The following GPM6A variants were observed in gnomAD, a reference collection of about 807,000 sequenced individuals.
GPM6A encodes the protein neuronal membrane glycoprotein M6-a.
GPM6A carries 7 observed loss-of-function variants against 32.1 expected under a neutral mutation model. The observed-to-expected ratio is 0.22, with a 90% CI of 0.12 to 0.41. The LOEUF (loss-of-function observed/expected upper bound fraction) is 0.41, where lower values mean the gene tolerates loss of function less well. Ranked by LOEUF, GPM6A falls within the 10% of genes least tolerant of loss-of-function variation. GPM6A has a pLI of 1.00. For missense variants in GPM6A, 235 were observed against 347.2 expected (o/e 0.68, Z 2.57); for synonymous variants, 130 against 123.4 (o/e 1.05, Z -0.35).
chr4:175,947,392 TATA>T (rs1355684401), intron 1 of GPM6A, among the ~76,000 whole-genome samples: 18 of 152,150 alleles, frequency 1.2e-4, no homozygotes, highest in South Asian at 4.1e-4. Context: ...CAATATTAAG[TATA>T]ATATTTCTTA....
intron 1 of GPM6A, among the ~76,000 whole-genome samples, chr4:175,982,562 T>A (rs1740849449): frequency 6.6e-6 from 1 of 152,216 alleles, no homozygotes; most frequent in Non-Finnish European, 1.5e-5. Flanking sequence ...GAAATTGTGA[T>A]GTGGGTTTAT....
At chr4:175,651,682 A>T (rs1415912335) in intron 4 of GPM6A, 152 bp downstream of exon 4, 2 of 585,054 alleles carry the variant, frequency 3.4e-6, no homozygotes, top group Non-Finnish European at 6.0e-6. Flanking sequence ...TTTAAAGGGA[A>T]TAGCCTTAGC....
chr4:175,811,949 C>A, intron 1 of GPM6A: 1 of 387,180 alleles, frequency 2.6e-6, no homozygotes, highest in East Asian at 4.3e-5. Flanking sequence ...ACTACAATAC[C>A]GCAATGCTCT....
rs1162299688 is a variant in GPM6A at position 175,779,675 on chromosome 4, T to G, written c.37+32516A>C. Among the ~76,000 whole-genome samples, 6 of 152,238 alleles carry G rather than the reference T, an allele frequency of 3.9e-5. No homozygotes were observed. In the East Asian group the frequency reaches 7.7e-4, roughly 20 times the overall value. On this transcript the variant is annotated intron_variant, in intron 1 of 6. Transcript: ENST00000393658. ...TCAGTTAACAAATTAAAAATAATAA[T>G]AACAAAAAACTTTTCTATGAAGCAC...
At chr4:175,748,622 C>G (rs1448625020) in intron 1 of GPM6A, among the ~76,000 whole-genome samples, 1 of 152,128 alleles carries the variant, frequency 6.6e-6, no homozygotes, top group African/African-American at 2.4e-5. Flanking sequence ...AGAGCACAGA[C>G]AGAGTAGATT....
chr4:175,897,468 A>T (rs983747408), intron 1 of GPM6A, among the ~76,000 whole-genome samples: 1 of 152,070 alleles, frequency 6.6e-6, no homozygotes, highest in African/African-American at 2.4e-5. Context: ...AGAAGGGGAG[A>T]GGTGAGGAAT....
chr4:175,764,823 A>G (rs1253764807), intron 1 of GPM6A, among the ~76,000 whole-genome samples: 1 of 149,912 alleles, frequency 6.7e-6, no homozygotes, highest in Non-Finnish European at 1.5e-5. Flanking sequence ...CTATAGCTCC[A>G]TTCTAGTGAC....
chr4:175,992,520 T>C (rs948006956), intron 1 of GPM6A, among the ~76,000 whole-genome samples: 2 of 152,154 alleles, frequency 1.3e-5, no homozygotes, highest in African/African-American at 2.4e-5. Flanking sequence ...ATACAATTGA[T>C]TGATTGACTA....
intron 1 of GPM6A, among the ~76,000 whole-genome samples, chr4:175,915,744 G>C (rs1219299448): frequency 1.3e-5 from 2 of 152,158 alleles, no homozygotes; most frequent in African/African-American, 4.8e-5. Flanking sequence ...GCAATACTCA[G>C]GGTATGGGGA....
chr4:175,641,174 CTG>C, intron 4 of GPM6A: 1 of 244,682 alleles, frequency 4.1e-6, no homozygotes, highest in Non-Finnish European at 7.9e-6. Flanking sequence ...ATGCCCCAGA[CTG>C]TGCTGAAGTC....
At chr4:175,833,456 G>C (rs890355698) in intron 1 of GPM6A, among the ~76,000 whole-genome samples, 1 of 151,978 alleles carries the variant, frequency 6.6e-6, no homozygotes, top group Non-Finnish European at 1.5e-5. Flanking sequence ...TACCACATCC[G>C]TAATCCAGTT....
At chr4:175,750,222 C>A (rs577056905) in intron 1 of GPM6A, among the ~76,000 whole-genome samples, 1 of 152,042 alleles carries the variant, frequency 6.6e-6, no homozygotes. Flanking sequence ...CCACACCCTG[C>A]TAATTTTGTA....
chr4:175,751,688 A>G (rs113246189), intron 1 of GPM6A, among the ~76,000 whole-genome samples: 4 of 151,960 alleles, frequency 2.6e-5, no homozygotes, highest in South Asian at 2.1e-4. Context: ...GTAGTATTAC[A>G]TGTGGTTATA....
Position 175,808,451 on chromosome 4 carries a change from T to G in GPM6A, c.37+3740A>C, listed in dbSNP as rs190005033. ...ATAAACCTGTACCCTCTCCTTTCATTTATGTATTCTTGTTGGTTTTAATAA... is the reference window on the plus strand; with the variant it reads ...ATAAACCTGTACCCTCTCCTTTCATGTATGTATTCTTGTTGGTTTTAATAA... On this transcript the variant is annotated intron_variant, in intron 1 of 6. Transcript: ENST00000393658. 4 of 152,302 alleles carry G rather than the reference T, an allele frequency of 2.6e-5. No individual in the cohort carries two copies. The East Asian group carries it at 7.7e-4, about 29-fold the overall frequency. The allele number at this position is 152,302 out of a possible 1,614,324, so 9.4% of individuals were successfully genotyped here.
At chr4:175,995,856 G>T (rs951266476) in intron 1 of GPM6A, among the ~76,000 whole-genome samples, 2 of 152,060 alleles carry the variant, frequency 1.3e-5, no homozygotes, top group South Asian at 4.1e-4. Context: ...TTATCATACT[G>T]CTTTCTAGAA....
intron 1 of GPM6A, among the ~76,000 whole-genome samples, chr4:175,915,286 G>T (rs1026944354): frequency 1.6e-4 from 22 of 134,670 alleles, no homozygotes; most frequent in African/African-American, 2.3e-4. Context: ...TAATTAAAAA[G>T]GATTTTTTTT....
intron 1 of GPM6A, among the ~76,000 whole-genome samples, chr4:175,762,637 T>A (rs1192812533): frequency 1.3e-5 from 2 of 152,060 alleles, no homozygotes; most frequent in Non-Finnish European, 2.9e-5. Context: ...TAAAAAGGCA[T>A]TCGATTAAAA....
At position 175,948,922 on chromosome 4, in the gene GPM6A, T is replaced by C. The variant is rs1349719914; in HGVS notation, c.-23+53387A>G. On this transcript the variant is annotated intron_variant, in intron 1 of 7. Coordinates refer to the GPM6A transcript ENST00000280187. ...AATTTCCTGATAAAGATGAGATACT[T>C]TTCTTATTCTACCAACAAGACTGCA... is the stretch of plus-strand genomic sequence containing the variant. Among the ~76,000 whole-genome samples, 5 of 137,494 alleles carry C rather than the reference T, an allele frequency of 3.6e-5. No individual in the cohort carries two copies. In the East Asian group the frequency reaches 7.8e-4, roughly 21 times the overall value. 90.2% of individuals were successfully genotyped at this position (137,494 alleles called of 152,430 possible).
At chr4:175,680,017 A>G (rs2111003666) in intron 2 of GPM6A, among the ~76,000 whole-genome samples, 1 of 152,298 alleles carries the variant, frequency 6.6e-6, no homozygotes, top group East Asian at 1.9e-4. Flanking sequence ...ATATGTGCTC[A>G]TTGCAAATGT....
Sources: allele counts gnomAD v4.1 joint callset (sites outside exome capture counted in the v4.1 genomes callset), GRCh38; gene constraint gnomAD v4.1.1; transcripts MANE v1.5; gene names NCBI Gene and HGNC (gene_info 2026-07-23, HGNC 2026-07-21).